Variants in PRKG2 observed in about 807,000 individuals in gnomAD.
PRKG2 encodes protein kinase cGMP-dependent 2.
Under a neutral mutation model 97.2 loss-of-function variants are expected in PRKG2, and 33 were observed. That is an observed-to-expected ratio of 0.34 (90% CI 0.26 to 0.45). The LOEUF (loss-of-function observed/expected upper bound fraction) is 0.45. PRKG2 is among the 20% of genes least tolerant of loss of function. The pLI is 1.00. For synonymous variants in PRKG2, 330 were observed against 321.8 expected (o/e 1.03, Z -0.27); for missense variants, 638 against 900.0 (o/e 0.71, Z 3.73).
chr4:81,204,870 T>C lies in PRKG2; in HGVS notation c.178A>G (p.Lys60Glu), dbSNP rs770954502. The C allele has an allele frequency of 2.5e-6, 4 of 1,614,198 alleles. No individual in the cohort carries two copies. The highest frequency in any genetic ancestry group is 3.4e-6 in the Non-Finnish European group (4 of 1,180,030). The change falls in exon 2 of 19, where the codon AAG becomes GAG. Residue 60 changes from lysine (K) to glutamate (E), a missense_variant. Lys to Glu is a moderately conservative substitution (Grantham distance 56). Transcript: ENST00000264399. ...HLKELREQLS[K>E]QTVAIAELTE... ...AGTTCAGCAATGGCCACAGTCTGCT[T>C]CGACAGCTGCTCCCGCAGCTCCTTC...
chr4:81,204,598 T>C lies in PRKG2; in HGVS notation c.450A>G (p.Arg150=). The change falls in exon 2 of 19, where the codon AGA becomes AGG. Residue 150 remains arginine, a synonymous_variant. Transcript: ENST00000264399. Reference sequence around the variant, plus strand: ...CGGAAATTTCTTACCTGGAGTCTTTTCTGACTCTTGCTTTCTCAAAGGAAA... The same window carrying C: ...CGGAAATTTCTTACCTGGAGTCTTTCCTGACTCTTGCTTTCTCAAAGGAAA... The part of the protein sequence containing the change: ...PEFSFEKARV[R]KDSSEKKLIT... 1.2e-6 allele frequency: 2 copies of C among 1,613,478 alleles called. No homozygotes were observed. The highest frequency in any genetic ancestry group is 1.7e-6 in the Non-Finnish European group (2 of 1,179,760).
chr4:81,131,663 T>G (rs1746190455), intron 14 of PRKG2, among the ~76,000 whole-genome samples: 1 of 152,222 alleles, frequency 6.6e-6, no homozygotes, highest in South Asian at 2.1e-4. Flanking sequence ...AATTAATTTT[T>G]GTATATGGTT....
intron 18 of PRKG2, 123 bp from the exon 19 acceptor site, chr4:81,089,926 C>A: frequency 2.6e-6 from 2 of 758,632 alleles, no homozygotes; most frequent in Admixed American, 2.7e-5. Context: ...AAGTTACATA[C>A]AAGAAAAAAA....
At chr4:81,173,006 A>T (rs1320908670) in intron 3 of PRKG2, among the ~76,000 whole-genome samples, 1 of 152,250 alleles carries the variant, frequency 6.6e-6, no homozygotes, top group Non-Finnish European at 1.5e-5. Context: ...TATCAAAGCC[A>T]CTTAGTGGTA....
chr4:81,129,482 G>T (rs1217280722), intron 14 of PRKG2, among the ~76,000 whole-genome samples: 2 of 152,096 alleles, frequency 1.3e-5, no homozygotes, highest in African/African-American at 4.8e-5. Flanking sequence ...CTCTTTGTAG[G>T]TCTGTAAGAA....
chr4:81,110,747 AC>A (rs1484805138), intron 14 of PRKG2, 136 bp from the exon 15 acceptor site: 7 of 725,094 alleles, frequency 9.7e-6, no homozygotes, highest in African/African-American at 5.5e-5. Context: ...ACACACACAC[AC>A]AAAGAGAGAG....
upstream of PRKG2, among the ~76,000 whole-genome samples, chr4:81,215,314 T>C (rs559283643): frequency 7.8e-4 from 119 of 152,240 alleles, no homozygotes; most frequent in African/African-American, 2.8e-3. Context: ...GGGCGCCGGC[T>C]TCCCTAAAGG....
At chr4:81,183,253 C>A (rs1751576068) in intron 2 of PRKG2, among the ~76,000 whole-genome samples, 1 of 152,130 alleles carries the variant, frequency 6.6e-6, no homozygotes, top group African/African-American at 2.4e-5. Context: ...GAGATCAATG[C>A]AGAAGGTGAG....
At chr4:81,102,827 A>G (rs1742939095) in intron 17 of PRKG2, among the ~76,000 whole-genome samples, 1 of 152,188 alleles carries the variant, frequency 6.6e-6, no homozygotes. Flanking sequence ...AGAAACATGA[A>G]TAGCATTTCT....
At chr4:81,204,126 C>T (rs1294705522) in intron 2 of PRKG2, among the ~76,000 whole-genome samples, 3 of 152,154 alleles carry the variant, frequency 2.0e-5, no homozygotes, top group Non-Finnish European at 4.4e-5. Context: ...AGAGTAGAGA[C>T]CACCATAAAC....
rs1423282678 is a variant in PRKG2, at chr4:81,105,932, T to C, written c.1944A>G (p.Pro648=). The change falls in exon 16 of 19, where the codon CCA becomes CCG. Residue 648 remains proline (P), a synonymous_variant. Transcript: ENST00000264399. The part of the protein sequence containing the change: ...ILVYELLTGN[P]PFSGVDQMMT... ...TCATTTGGTCAACCCCAGAAAAGGG[T>C]GGGCTAGATAGAGAAAATCCAGAAC... 1 of 1,613,422 alleles carries C rather than the reference T, an allele frequency of 6.2e-7. No homozygotes were observed. Among genetic ancestry groups the C allele is most frequent in the Middle Eastern group, 1.7e-4 (1 of 6,054 alleles).
intron 17 of PRKG2, among the ~76,000 whole-genome samples, chr4:81,094,576 G>GT (rs1741928551): frequency 6.6e-6 from 1 of 152,102 alleles, no homozygotes; most frequent in Admixed American, 6.6e-5. Context: ...TCAGACAGTA[G>GT]TAAGTACAAG....
chr4:81,131,258 T>C (rs1746149696), intron 14 of PRKG2, among the ~76,000 whole-genome samples: 1 of 150,572 alleles, frequency 6.6e-6, no homozygotes, highest in African/African-American at 2.5e-5. Context: ...CAACCCCTTG[T>C]GGTTCCCAGG....
intron 6 of PRKG2, among the ~76,000 whole-genome samples, chr4:81,158,980 A>C (rs1317910095): frequency 1.3e-5 from 2 of 151,142 alleles, no homozygotes; most frequent in Non-Finnish European, 2.9e-5. Context: ...TAAAGACTTA[A>C]ACGTTAGACC....
chr4:81,210,427 T>C (rs1366664726), intron 1 of PRKG2, among the ~76,000 whole-genome samples: 1 of 152,060 alleles, frequency 6.6e-6, no homozygotes, highest in Non-Finnish European at 1.5e-5. Flanking sequence ...AGGCACTCAG[T>C]TGATAAATAA....
chr4:81,148,854 G>A, intron 9 of PRKG2, 30 bp downstream of exon 9: 1 of 1,586,572 alleles, frequency 6.3e-7, no homozygotes, highest in Non-Finnish European at 8.7e-7. Context: ...GGTGGCAGTG[G>A]CCTGCCTCCT....
At chr4:81,165,946 C>A (rs945096831) in intron 6 of PRKG2, among the ~76,000 whole-genome samples, 13 of 151,804 alleles carry the variant, frequency 8.6e-5, no homozygotes, top group African/African-American at 2.7e-4. Context: ...ACTAGGGCCT[C>A]TCCAGCTTTA....
chr4:81,113,133 G>A (rs952229684), intron 14 of PRKG2, among the ~76,000 whole-genome samples: 13 of 152,118 alleles, frequency 8.5e-5, no homozygotes, highest in African/African-American at 3.1e-4. Flanking sequence ...AGCGTGGCTG[G>A]GCAAAAATGG....
Position 81,204,879 on chromosome 4 carries a change from G to C in PRKG2, c.169C>G (p.Gln57Glu), listed in dbSNP as rs753033493. The C allele has an allele frequency of 3.7e-6, 6 of 1,614,080 alleles. No individual in the cohort carries two copies. The highest frequency in any genetic ancestry group is 4.2e-6 in the Non-Finnish European group (5 of 1,180,050). ...ATGGCCACAGTCTGCTTCGACAGCT[G>C]CTCCCGCAGCTCCTTCAAATGGTAC... ...REYHLKELRE[Q>E]LSKQTVAIAE... is the part of the protein sequence containing the mutation. The change falls in exon 2 of 19, where the codon CAG becomes GAG. Residue 57 changes from glutamine to glutamate, a missense_variant. Gln to Glu is a conservative substitution (Grantham distance 29, BLOSUM62 2). Coordinates refer to ENST00000264399, the MANE Select transcript of PRKG2 (RefSeq NM_006259.3).
Sources: allele counts gnomAD v4.1 joint callset (sites outside exome capture counted in the v4.1 genomes callset), GRCh38; gene constraint gnomAD v4.1.1; transcripts MANE v1.5; gene names NCBI Gene and HGNC (gene_info 2026-07-23, HGNC 2026-07-21).